STX18: variants seen among roughly 807,000 people sequenced by gnomAD.
The protein encoded by STX18 is syntaxin 18, also known as syntaxin-18.
Under a neutral mutation model 50.1 loss-of-function variants are expected in STX18, and 40 were observed. That is an observed-to-expected ratio of 0.80 (90% CI 0.62 to 1.04). The LOEUF is 1.04. Ranked by LOEUF, STX18 falls within the 50% of genes least tolerant of loss-of-function variation. STX18 has a pLI of 0.00. For missense variants in STX18, 410 were observed against 415.8 expected, an observed-to-expected ratio of 0.99 and a Z score of 0.12; for synonymous variants, 158 against 151.8, an observed-to-expected ratio of 1.04 and a Z score of -0.30.
intron 1 of STX18, among the ~76,000 whole-genome samples, chr4:4,524,235 G>C (rs1174869619): frequency 6.6e-6 from 1 of 152,200 alleles, no homozygotes; most frequent in Non-Finnish European, 1.5e-5. Flanking sequence ...CTAAAGCAGA[G>C]TGAATGGGCA....
At chr4:4,508,596 A>G (rs1007757811) in intron 1 of STX18, among the ~76,000 whole-genome samples, 1 of 152,184 alleles carries the variant, frequency 6.6e-6, no homozygotes. Context: ...CAGGATGTGC[A>G]GGTTTGTTAC....
intron 5 of STX18, among the ~76,000 whole-genome samples, chr4:4,445,883 C>T (rs1215765980): frequency 3.3e-5 from 5 of 152,054 alleles, no homozygotes; most frequent in African/African-American, 9.7e-5. Flanking sequence ...AAAAACAATA[C>T]TGAAAATTTA....
chr4:4,451,694 G>A (rs550702317), intron 5 of STX18, among the ~76,000 whole-genome samples: 7 of 152,252 alleles, frequency 4.6e-5, no homozygotes, highest in South Asian at 2.1e-4. Flanking sequence ...ATAAGACAGC[G>A]TACTTCATAA....
intron 1 of STX18, among the ~76,000 whole-genome samples, chr4:4,529,139 G>A (rs1001821696): frequency 4.6e-5 from 7 of 152,120 alleles, no homozygotes; most frequent in East Asian, 1.9e-4. Flanking sequence ...TGAGACGGGC[G>A]GATCACGAGG....
chr4:4,444,968 C>A (rs1281816800), intron 5 of STX18, among the ~76,000 whole-genome samples: 5 of 152,184 alleles, frequency 3.3e-5, no homozygotes, highest in African/African-American at 1.2e-4. Context: ...CACTTCTATT[C>A]AACATGGTAC....
chr4:4,439,389 T>TACAC (rs1010029421), intron 5 of STX18, among the ~76,000 whole-genome samples: 2 of 96,290 alleles, frequency 2.1e-5, no homozygotes, highest in Non-Finnish European at 1.8e-5. Context: ...ACCCCCTACA[T>TACAC]ACACACACAC....
chr4:4,511,209 G>C (rs529729192), intron 1 of STX18, among the ~76,000 whole-genome samples: 2 of 152,152 alleles, frequency 1.3e-5, no homozygotes, highest in Non-Finnish European at 2.9e-5. Flanking sequence ...GCCATGGCTT[G>C]AATGTAGGTT....
At chr4:4,444,931 G>C (rs1225205088) in intron 5 of STX18, among the ~76,000 whole-genome samples, 4 of 152,144 alleles carry the variant, frequency 2.6e-5, no homozygotes, top group African/African-American at 9.7e-5. Context: ...CCTTAATCAA[G>C]AGCAAGGAAA....
intron 1 of STX18, among the ~76,000 whole-genome samples, chr4:4,480,649 T>C (rs1728415350): frequency 6.6e-6 from 1 of 152,256 alleles, no homozygotes; most frequent in African/African-American, 2.4e-5. Flanking sequence ...GATTTTCTTT[T>C]TTTAAAAAAC....
chr4:4,465,586 C>T (rs1727582503), intron 2 of STX18, among the ~76,000 whole-genome samples: 1 of 152,042 alleles, frequency 6.6e-6, no homozygotes, highest in Admixed American at 6.6e-5. Context: ...CGGTGGGGAA[C>T]AATACAAACT....
chr4:4,483,930 C>T (rs1006106611), intron 1 of STX18, among the ~76,000 whole-genome samples: 4 of 152,038 alleles, frequency 2.6e-5, no homozygotes, highest in Non-Finnish European at 4.4e-5. Context: ...GGCATGATCT[C>T]AGCTCACTGC....
At chr4:4,513,134 G>T (rs1730080100) in intron 1 of STX18, among the ~76,000 whole-genome samples, 1 of 152,184 alleles carries the variant, frequency 6.6e-6, no homozygotes, top group Non-Finnish European at 1.5e-5. Context: ...AGAGGAGACA[G>T]ACACAGGAAA....
chr4:4,431,178 A>G (rs950975211), intron 7 of STX18, among the ~76,000 whole-genome samples: 45 of 152,100 alleles, frequency 3.0e-4, no homozygotes, highest in Non-Finnish European at 1.8e-4. Context: ...GAGTGCATTA[A>G]AAAAGAAAGA....
At chr4:4,441,478 T>C (rs375455130) in intron 5 of STX18, among the ~76,000 whole-genome samples, 1 of 152,096 alleles carries the variant, frequency 6.6e-6, no homozygotes, top group Admixed American at 6.5e-5. Context: ...AGTTGGAAGA[T>C]ATAATGAAAG....
chr4:4,432,768 A>G (rs1725577879), intron 7 of STX18, among the ~76,000 whole-genome samples: 1 of 152,192 alleles, frequency 6.6e-6, no homozygotes, highest in Non-Finnish European at 1.5e-5. Context: ...TTTAGGAAAG[A>G]GATTTGGTTT....
rs34300930 is a variant in STX18 at position 4,447,592 on chromosome 4, CAAAAAAAAAAAAAAAAAAAAAAAAAA to C, written c.498-9109_498-9084del. Among the ~76,000 whole-genome samples the C allele has an allele frequency of 2.0e-3, 94 of 45,906 alleles. 1 individual carries two copies. The highest frequency in any genetic ancestry group is 5.4e-3 in the African/African-American group (77 of 14,392). The allele number at this position is 45,906 out of a possible 152,430, so 30.1% of individuals were successfully genotyped here. A position where few individuals can be genotyped will look rare whatever the true frequency, so the allele number is the denominator to read the frequency against. On this transcript the variant is annotated intron_variant, in intron 5 of 10. Transcript: ENST00000306200. ...GGCGACAGAGCGAGACTCCGTCTCA[CAAAAAAAAAAAAAAAAAAAAAAAAAA>C]AAAAAAAAAAAAAAAATGGGGCTCT...
chr4:4,420,802 C>T lies in STX18; in HGVS notation c.912+62G>A, dbSNP rs1724907813. 7 of 1,464,840 alleles carry T rather than the reference C, an allele frequency of 4.8e-6. No homozygotes were observed. The Admixed American group carries it at 5.0e-5, about 11-fold the overall frequency. 90.7% of individuals were successfully genotyped at this position (1,464,840 alleles called of 1,614,324 possible). A position where few individuals can be genotyped will look rare whatever the true frequency, so the allele number is the denominator to read the frequency against. Reference sequence around the variant, plus strand: ...TGGGCAGCTGTGCCGGCGAGACTAACACCCGCTGCTGGGACTCAGTGCTGC... The same window carrying T: ...TGGGCAGCTGTGCCGGCGAGACTAATACCCGCTGCTGGGACTCAGTGCTGC... On this transcript the variant is annotated intron_variant, in intron 10 of 10. Coordinates refer to ENST00000306200, the MANE Select transcript of STX18 (RefSeq NM_016930.4). The surrounding 1 kb of genome is among the most constrained non-coding windows in gnomAD (Gnocchi z 4.3).
intron 2 of STX18, among the ~76,000 whole-genome samples, chr4:4,466,082 C>T (rs1230679605): frequency 9.2e-5 from 14 of 152,196 alleles, no homozygotes; most frequent in Admixed American, 9.2e-4. Context: ...ACAAATTACT[C>T]TTCTACCAGG....
chr4:4,495,214 T>A (rs191953457), intron 1 of STX18, among the ~76,000 whole-genome samples: 1 of 152,248 alleles, frequency 6.6e-6, no homozygotes, highest in African/African-American at 2.4e-5. Flanking sequence ...GAGGATGAAA[T>A]GCAAAGGGCC....
Sources: allele counts gnomAD v4.1 joint callset (sites outside exome capture counted in the v4.1 genomes callset), GRCh38; gene constraint gnomAD v4.1.1; non-coding constraint Gnocchi (gnomAD v3.1); transcripts MANE v1.5; gene names NCBI Gene and HGNC (gene_info 2026-07-23, HGNC 2026-07-21).